Variants in ACER3 observed in about 807,000 individuals in gnomAD.
The protein encoded by ACER3 is alkaline ceramidase 3.
A neutral mutation model predicts 48.9 loss-of-function variants in ACER3; 16 were observed. That is an observed-to-expected ratio of 0.33 (90% CI 0.22 to 0.50). ACER3 has a LOEUF of 0.50. Ranked by LOEUF, ACER3 falls within the 20% of genes least tolerant of loss-of-function variation. The pLI, the probability that ACER3 is intolerant of heterozygous loss-of-function variation, is 0.98. For missense variants in ACER3, 227 were observed against 326.0 expected (o/e 0.70, Z 2.34); for synonymous variants, 109 against 107.8 (o/e 1.01, Z -0.07).
chr11:77,009,653 A>G (rs1352760250), intron 7 of ACER3, among the ~76,000 whole-genome samples: 3 of 152,158 alleles, frequency 2.0e-5, no homozygotes, highest in Non-Finnish European at 2.9e-5. Flanking sequence ...TACAAAAAAA[A>G]TTAATAAATT....
rs1591009969 is a variant in ACER3, at chr11:76,969,723, C to G, written c.268-6566C>G. Among the ~76,000 whole-genome samples the G allele has an allele frequency of 2.8e-5, 4 of 144,722 alleles. No homozygotes were observed. In the South Asian group the frequency reaches 8.8e-4, roughly 32 times the overall value. The allele number at this position is 144,722 out of a possible 152,430, so 94.9% of individuals were successfully genotyped here. A position where few individuals can be genotyped will look rare whatever the true frequency, so the allele number is the denominator to read the frequency against. ...AAAAACCAAACACTGCATGTTCTCA[C>G]TCATAGGTGGGAATTGAACCATGAC... On this transcript the variant is annotated intron_variant, in intron 3 of 10. Coordinates refer to ENST00000532485, the MANE Select transcript of ACER3 (RefSeq NM_018367.7).
intron 7 of ACER3, among the ~76,000 whole-genome samples, chr11:77,014,711 G>T (rs1555022905): frequency 2.0e-5 from 3 of 152,146 alleles, no homozygotes; most frequent in African/African-American, 7.2e-5. Context: ...AATTTGATAG[G>T]TCTGCTTTTA....
rs551774115 is a variant in ACER3 at position 76,968,611 on chromosome 11, C to A, written c.268-7678C>A. Among the ~76,000 whole-genome samples, 33 of 152,238 alleles carry A rather than the reference C, an allele frequency of 2.2e-4. 1 individual carries two copies. The South Asian group carries it at 3.7e-3, about 17-fold the overall frequency. On this transcript the variant is annotated intron_variant, in intron 3 of 10. Transcript: ENST00000532485. ...AAAACAGAGATATAGACCAATGGAA[C>A]AGAACAGAGCCCTCAGAAATAATGC...
intron 1 of ACER3, among the ~76,000 whole-genome samples, chr11:76,902,859 A>G (rs1398406341): frequency 1.3e-5 from 2 of 152,240 alleles, no homozygotes; most frequent in Non-Finnish European, 2.9e-5. Flanking sequence ...CTATGAAATT[A>G]TTACAGTATT....
intron 1 of ACER3, among the ~76,000 whole-genome samples, chr11:76,864,594 G>GAATTTTT (rs1945024473): frequency 1.3e-5 from 1 of 76,132 alleles, no homozygotes; most frequent in African/African-American, 3.3e-5. Context: ...TATGGAATGG[G>GAATTTTT]TATTTTTTTT....
chr11:76,876,959 CTG>C (rs1322616671), intron 1 of ACER3, among the ~76,000 whole-genome samples: 2 of 152,142 alleles, frequency 1.3e-5, no homozygotes, highest in African/African-American at 4.8e-5. Context: ...TAACTGAAAA[CTG>C]TGTCTGAAGT....
chr11:76,976,777 T>C (rs1289259112), intron 4 of ACER3, among the ~76,000 whole-genome samples: 1 of 152,216 alleles, frequency 6.6e-6, no homozygotes, highest in East Asian at 1.9e-4. Flanking sequence ...AAGTTATCTT[T>C]TAAATAGATA....
At chr11:76,988,619 C>G (rs1948733778) in intron 5 of ACER3, among the ~76,000 whole-genome samples, 1 of 152,130 alleles carries the variant, frequency 6.6e-6, no homozygotes, top group African/African-American at 2.4e-5. Context: ...CCACAAAGTC[C>G]CTTCCCCAAC....
At chr11:76,933,606 C>CAT in intron 2 of ACER3, among the ~76,000 whole-genome samples, 1 of 152,116 alleles carries the variant, frequency 6.6e-6, no homozygotes, top group South Asian at 2.1e-4. Context: ...GGGGTAAGGT[C>CAT]ATAGATCAAC....
At chr11:76,944,919 T>C (rs1178773222) in intron 2 of ACER3, among the ~76,000 whole-genome samples, 2 of 152,056 alleles carry the variant, frequency 1.3e-5, no homozygotes, top group African/African-American at 4.8e-5. Context: ...TTTTCCCCTA[T>C]TTTTGTCTGA....
At chr11:76,874,799 T>C (rs772058076) in intron 1 of ACER3, among the ~76,000 whole-genome samples, 4 of 152,212 alleles carry the variant, frequency 2.6e-5, no homozygotes, top group Non-Finnish European at 4.4e-5. Context: ...TGGTGGACTT[T>C]CCATTTCTCC....
intron 2 of ACER3, 40 bp from the exon 3 acceptor site, chr11:76,958,939 A>T: frequency 6.2e-7 from 1 of 1,609,606 alleles, no homozygotes; most frequent in Non-Finnish European, 8.5e-7. Flanking sequence ...CCACGCACAA[A>T]GAATTTCATG....
At chr11:76,994,254 C>G in intron 6 of ACER3, 1 of 448,858 alleles carries the variant, frequency 2.2e-6, no homozygotes, top group Non-Finnish European at 4.4e-6. Flanking sequence ...CTCAGCCACC[C>G]AGGTAGCTGG....
chr11:76,864,596 A>ATTTTTTT (rs772026324), intron 1 of ACER3, among the ~76,000 whole-genome samples: 24,737 of 99,084 alleles, frequency 0.25, 5,726 homozygotes, highest in Non-Finnish European at 0.35. Flanking sequence ...TGGAATGGGT[A>ATTTTTTT]TTTTTTTTTT....
At chr11:76,876,342 A>G (rs1945380249) in intron 1 of ACER3, among the ~76,000 whole-genome samples, 2 of 150,412 alleles carry the variant, frequency 1.3e-5, no homozygotes, top group African/African-American at 2.5e-5. Context: ...CTTGTCTAGT[A>G]TTTACTATTT....
chr11:76,913,099 G>T (rs1331409298), intron 1 of ACER3, among the ~76,000 whole-genome samples: 1 of 152,098 alleles, frequency 6.6e-6, no homozygotes, highest in Non-Finnish European at 1.5e-5. Context: ...CTTGTAAGTT[G>T]GATTCTTAGG....
chr11:77,012,580 A>C (rs1949292384), intron 7 of ACER3, among the ~76,000 whole-genome samples: 1 of 152,154 alleles, frequency 6.6e-6, no homozygotes, highest in African/African-American at 2.4e-5. Flanking sequence ...AAATACCTTA[A>C]ATGTTTAAGG....
chr11:77,004,942 C>A (rs1949102300), intron 7 of ACER3, among the ~76,000 whole-genome samples: 1 of 151,770 alleles, frequency 6.6e-6, no homozygotes, highest in Non-Finnish European at 1.5e-5. Context: ...TATATAAGAA[C>A]TTAACTGCCA....
At chr11:76,882,776 C>A (rs928005870) in intron 1 of ACER3, among the ~76,000 whole-genome samples, 1 of 152,178 alleles carries the variant, frequency 6.6e-6, no homozygotes, top group Non-Finnish European at 1.5e-5. Flanking sequence ...GTTGTTTTAA[C>A]TGGCATTTAG....
Sources: allele counts gnomAD v4.1 joint callset (sites outside exome capture counted in the v4.1 genomes callset), GRCh38; gene constraint gnomAD v4.1.1; transcripts MANE v1.5; gene names NCBI Gene and HGNC (gene_info 2026-07-23, HGNC 2026-07-21).